POLR2F: variants seen among roughly 807,000 people sequenced by gnomAD.
POLR2F encodes the protein RNA polymerase II, I and III subunit F.
In POLR2F, 12 loss-of-function variants were observed where a neutral mutation model predicts 22.7. The ratio of observed to expected loss-of-function variants is 0.53; its 90% CI spans 0.34 to 0.86. POLR2F has a LOEUF of 0.86. Ranked by LOEUF, POLR2F falls within the 40% of genes least tolerant of loss-of-function variation. The pLI is 0.02. For missense variants in POLR2F, 126 were observed against 171.5 expected, an observed-to-expected ratio of 0.73 and a Z score of 1.48; for synonymous variants, 57 against 66.0, an observed-to-expected ratio of 0.86 and a Z score of 0.66.
At chr22:37,974,206 G>A (rs748415158), downstream of POLR2F, 5 of 1,595,172 alleles carry the variant, frequency 3.1e-6, 1 homozygote, top group South Asian at 5.5e-5. This position sits in a 1 kb window ranked among gnomAD's most constrained non-coding sequence, Gnocchi z 5.4. Flanking sequence ...GGCCTGGGTA[G>A]AAGGGAGACA....
downstream of POLR2F, chr22:37,973,487 G>A (rs1045423591): frequency 1.3e-6 from 2 of 1,558,366 alleles, no homozygotes; most frequent in South Asian, 2.3e-5. Flanking sequence ...GTGGCGACAG[G>A]GCCCCCTTTA....
chr22:38,012,840 C>T (rs1210420921), intron 1 of POLR2F, among the ~76,000 whole-genome samples: 1 of 152,200 alleles, frequency 6.6e-6, no homozygotes, highest in Non-Finnish European at 1.5e-5. Flanking sequence ...GGTGATTGCC[C>T]TATCATCACG....
chr22:37,962,575 C>T (rs1438570811), intron 3 of POLR2F, among the ~76,000 whole-genome samples: 1 of 152,194 alleles, frequency 6.6e-6, no homozygotes, highest in Admixed American at 6.5e-5. Flanking sequence ...TGGGCCTGCA[C>T]CATCAACTAT....
chr22:37,969,239 T>C lies in POLR2F; in HGVS notation c.*1524T>C, dbSNP rs1256766854. 10 of 985,270 alleles carry C rather than the reference T, an allele frequency of 1.0e-5. No individual in the cohort carries two copies. Among genetic ancestry groups the C allele is most frequent in the East Asian group, 1.1e-4 (1 of 8,816 alleles). 61.0% of individuals were successfully genotyped at this position (985,270 alleles called of 1,614,324 possible). A position where few individuals can be genotyped will look rare whatever the true frequency, so the allele number is the denominator to read the frequency against. On this transcript the variant is annotated 3_prime_UTR_variant, in exon 5 of 5. Transcript: ENST00000442738. ...GTCTTCCTCTTCCCATTCTCCTCTTTTGGGGAGTCCCCTGCTATTCAGCTG... is the reference window on the plus strand; with the variant it reads ...GTCTTCCTCTTCCCATTCTCCTCTTCTGGGGAGTCCCCTGCTATTCAGCTG...
chr22:37,964,325 A>G (rs1418030200), intron 3 of POLR2F, among the ~76,000 whole-genome samples: 1 of 152,086 alleles, frequency 6.6e-6, no homozygotes, highest in African/African-American at 2.4e-5. Flanking sequence ...TGGGTACTCC[A>G]GGTGCCAGAA....
chr22:38,020,859 C>A (rs1255591142), intron 1 of POLR2F, among the ~76,000 whole-genome samples: 4 of 152,172 alleles, frequency 2.6e-5, no homozygotes, highest in Admixed American at 2.6e-4. Flanking sequence ...TGTGCTGTAA[C>A]CATCCAGGGT....
intron 1 of POLR2F, among the ~76,000 whole-genome samples, chr22:38,023,267 T>C (rs2145822718): frequency 6.6e-6 from 1 of 152,270 alleles, no homozygotes; most frequent in East Asian, 1.9e-4. Context: ...CCATCTCACC[T>C]ACACGTGGCG....
intron 5 of POLR2F, chr22:38,041,056 G>A (rs1289218568): frequency 1.2e-6 from 2 of 1,612,926 alleles, no homozygotes; most frequent in South Asian, 1.1e-5. Context: ...TTATCCCTGT[G>A]TTATTTTCCA....
chr22:38,006,061 GA>G (rs1482733010), intron 1 of POLR2F, among the ~76,000 whole-genome samples: 3 of 151,888 alleles, frequency 2.0e-5, no homozygotes, highest in East Asian at 3.9e-4. Context: ...CATCTCTATT[GA>G]AAAAAAATAT....
downstream of POLR2F, among the ~76,000 whole-genome samples, chr22:38,027,308 TC>T (rs2085022369): frequency 6.6e-6 from 1 of 152,150 alleles, no homozygotes; most frequent in Non-Finnish European, 1.5e-5. Flanking sequence ...CGTGTTCTTC[TC>T]ACAGGATGTG....
rs753990090 is a variant in POLR2F, at chr22:38,008,221, CAGAG to C, written c.121-17643_121-17640del. ...CACCACTGCACTCCAAACTGGGTGA[CAGAG>C]AGAGTCTGTCTCAAAACAAAACAAA... On this transcript the variant is annotated intron_variant, in intron 1 of 2. Transcript: ENST00000333418. Among the ~76,000 whole-genome samples, 32 of 152,134 alleles carry C rather than the reference CAGAG, an allele frequency of 2.1e-4. No homozygotes were observed. The East Asian group carries it at 3.5e-3, about 17-fold the overall frequency.
chr22:37,962,783 C>T (rs531937089), intron 3 of POLR2F, among the ~76,000 whole-genome samples: 11 of 151,850 alleles, frequency 7.2e-5, no homozygotes, highest in East Asian at 3.9e-4. Flanking sequence ...CTCTGCCTCA[C>T]GGGTTCACGC....
At chr22:37,998,906 T>C (rs73417825) in intron 1 of POLR2F, among the ~76,000 whole-genome samples, 3,195 of 151,856 alleles carry the variant, frequency 0.021, 120 homozygotes, top group African/African-American at 0.074. Context: ...AGGCAGGGCA[T>C]TAGGGTCTGG....
At chr22:38,027,164 G>A (rs139477028), downstream of POLR2F, among the ~76,000 whole-genome samples, 20 of 152,256 alleles carry the variant, frequency 1.3e-4, no homozygotes, top group African/African-American at 4.8e-4. Flanking sequence ...TAGCGTATGG[G>A]GGATACACGT....
chr22:37,968,879 G>C lies in POLR2F; in HGVS notation c.*1164G>C. The C allele has an allele frequency of 1.0e-6, 1 of 985,372 alleles. No individual in the cohort carries two copies. Among genetic ancestry groups the C allele is most frequent in the Non-Finnish European group, 1.2e-6 (1 of 829,894 alleles). 61.0% of individuals were successfully genotyped at this position (985,372 alleles called of 1,614,324 possible). A position where few individuals can be genotyped will look rare whatever the true frequency, so the allele number is the denominator to read the frequency against. On this transcript the variant is annotated 3_prime_UTR_variant, in exon 5 of 5. Coordinates refer to ENST00000442738, the MANE Select transcript of POLR2F (RefSeq NM_021974.5). ...ATCTGCATTGGTGGGAGGGGTGTCC[G>C]CTGCCCTGGAGAAGGGTTAATTCAG...
At position 37,980,833 on chromosome 22, in the gene POLR2F, A is replaced by G. The variant is rs1932374842; in HGVS notation, c.293+13663A>G. Among the ~76,000 whole-genome samples the G allele has an allele frequency of 6.6e-6, 1 of 152,122 alleles. No homozygotes were observed. Among genetic ancestry groups the G allele is most frequent in the African/African-American group, 2.4e-5 (1 of 41,422 alleles). On this transcript the variant is annotated intron_variant, in intron 4 of 4. Transcript: ENST00000405557. The surrounding 1 kb of genome is among the most constrained non-coding windows in gnomAD (Gnocchi z 4.1). ...CCACAGTGGGGCACTGATTGCTGCT[A>G]CCTGTGTCCTGCTAGGCCAGGGGCA...
chr22:37,986,057 G>T (rs1932564704), upstream of POLR2F: 2 of 1,396,598 alleles, frequency 1.4e-6, no homozygotes, highest in Non-Finnish European at 1.9e-6. This position sits in a 1 kb window ranked among gnomAD's most constrained non-coding sequence, Gnocchi z 4.7. Flanking sequence ...CCAGACTCTT[G>T]TTCGGGGCCT....
chr22:38,019,536 G>A (rs535023319), intron 1 of POLR2F, among the ~76,000 whole-genome samples: 1 of 152,286 alleles, frequency 6.6e-6, no homozygotes, highest in South Asian at 2.1e-4. Context: ...CCCCAAGCAC[G>A]CCCTGAAAAT....
At chr22:38,019,497 C>T (rs1454123819) in intron 1 of POLR2F, among the ~76,000 whole-genome samples, 2 of 152,130 alleles carry the variant, frequency 1.3e-5, no homozygotes, top group Non-Finnish European at 2.9e-5. Context: ...TGGTCATGAC[C>T]CCGTGGATCA....
Sources: gnomAD v4.1 joint callset for allele counts (sites outside exome capture counted in the v4.1 genomes callset) on GRCh38, gnomAD v4.1.1 for gene constraint, Gnocchi (gnomAD v3.1) non-coding constraint, MANE v1.5 for transcripts, NCBI Gene and HGNC (gene_info 2026-07-23, HGNC 2026-07-21) for gene names.